The following RORC variants were observed in gnomAD, a reference collection of about 807,000 sequenced individuals.
RORC encodes the protein RAR related orphan receptor C.
In RORC, 13 loss-of-function variants were observed where a neutral mutation model predicts 64.5. The observed-to-expected ratio is 0.20, with a 90% CI of 0.13 to 0.32. The LOEUF (loss-of-function observed/expected upper bound fraction) is 0.32. Ranked by LOEUF, RORC falls within the 10% of genes least tolerant of loss-of-function variation. The probability of loss-of-function intolerance (pLI) is 1.00; values close to 1 mark genes in which losing one functional copy is unlikely to be tolerated. For synonymous variants in RORC, 277 were observed against 259.3 expected, an observed-to-expected ratio of 1.07 and a Z score of -0.65; for missense variants, 468 against 669.5, an observed-to-expected ratio of 0.70 and a Z score of 3.32.
At chr1:151,829,562 A>G in intron 1 of RORC, 104 bp from the exon 2 acceptor site, 1 of 1,129,840 alleles carries the variant, frequency 8.9e-7, no homozygotes, top group Non-Finnish European at 1.2e-6. Flanking sequence ...CTTCCCTCAG[A>G]GCCTGGCGTC....
chr1:151,816,683 C>G lies in RORC; in HGVS notation c.279G>C (p.Ala93=). 6.2e-7 allele frequency: 1 copy of G among 1,605,698 alleles called. No homozygotes were observed. ...CCTCACCATCTCGGGACATGCCCAGCGCCAGGCATTTCTGCAGGCGGCAGT... is the reference window on the plus strand; with the variant it reads ...CCTCACCATCTCGGGACATGCCCAGGGCCAGGCATTTCTGCAGGCGGCAGT... The part of the protein sequence containing the change: ...CQHCRLQKCL[A]LGMSRDAVKF... Residue 93 remains alanine (A), a synonymous_variant, in exon 4 of 11, where the codon GCG becomes GCC. Coordinates refer to ENST00000318247, the MANE Select transcript of RORC (RefSeq NM_005060.4).
intron 1 of RORC, 91 bp downstream of exon 1, chr1:151,831,634 C>A: frequency 6.2e-7 from 1 of 1,605,528 alleles, no homozygotes; most frequent in Non-Finnish European, 8.5e-7. Context: ...CCCTCCCCTC[C>A]TCACTTCTTG....
intron 2 of RORC, among the ~76,000 whole-genome samples, chr1:151,820,825 T>G (rs1164741859): frequency 6.6e-6 from 1 of 152,212 alleles, no homozygotes; most frequent in African/African-American, 2.4e-5. Context: ...CTAAGCTTAC[T>G]GGTCTTCAGC....
chr1:151,808,466 C>T (rs1170944685), intron 10 of RORC, among the ~76,000 whole-genome samples: 2 of 152,184 alleles, frequency 1.3e-5, no homozygotes, highest in African/African-American at 2.4e-5. Flanking sequence ...CCATTGCCTC[C>T]CTCCCCCAGC....
At chr1:151,822,676 T>C (rs1049256647) in intron 2 of RORC, among the ~76,000 whole-genome samples, 5 of 152,212 alleles carry the variant, frequency 3.3e-5, no homozygotes, top group Non-Finnish European at 5.9e-5. Context: ...CAGGGCCATC[T>C]GTCCCTCATC....
intron 2 of RORC, among the ~76,000 whole-genome samples, chr1:151,825,433 T>G (rs963108265): frequency 3.3e-5 from 5 of 152,124 alleles, no homozygotes; most frequent in African/African-American, 1.2e-4. Flanking sequence ...CCTGCCAACC[T>G]CAGTTGACTC....
chr1:151,813,113 GAC>G, intron 8 of RORC, 56 bp from the exon 9 acceptor site: 1 of 1,480,986 alleles, frequency 6.8e-7, no homozygotes, highest in Non-Finnish European at 9.4e-7. Context: ...GGTGCCCGAG[GAC>G]ACCGCCCTTA....
Position 151,816,651 on chromosome 1 carries a change from G to T in RORC, c.298+13C>A. 1 of 1,598,460 alleles carries T rather than the reference G, an allele frequency of 6.3e-7. No individual in the cohort carries two copies. ...ACCAGGAAAACCCCAGGGGGCTGTC[G>T]ACTTGGCCTCACCATCTCGGGACAT... On this transcript the variant is annotated intron_variant, in intron 4 of 10. Transcript: ENST00000318247.
Position 151,807,552 on chromosome 1 carries a change from C to T in RORC, c.1477G>A (p.Val493Met), listed in dbSNP as rs138308209. 92 of 1,613,924 alleles carry T rather than the reference C, an allele frequency of 5.7e-5. No individual in the cohort carries two copies. The highest frequency in any genetic ancestry group is 5.5e-4 in the Admixed American group (33 of 59,998). The change falls in exon 11 of 11, where the codon GTG becomes ATG. Residue 493 changes from valine to methionine, a missense_variant. Around this residue, in one of 5 missense-constraint regions of RORC, gnomAD observed 93 missense variants for 116.6 expected, o/e 0.80. Transcript: ENST00000318247. This position sits in a 1 kb window ranked among gnomAD's most constrained non-coding sequence, Gnocchi z 5.0. ...LQIFQHLHPI[V>M]VQAAFPPLYK... ...AGTGGAGGGAAAGCGGCTTGGACCACGATGGGGTGGAGGTGCTGGAAGATC... is the reference window on the plus strand; with the variant it reads ...AGTGGAGGGAAAGCGGCTTGGACCATGATGGGGTGGAGGTGCTGGAAGATC...
rs375293231 is a variant in RORC, at chr1:151,815,126, A to C, written c.598T>G (p.Cys200Gly). 6.2e-7 allele frequency: 1 copy of C among 1,614,142 alleles called. No individual in the cohort carries two copies. The highest frequency in any genetic ancestry group is 1.7e-5 in the Admixed American group (1 of 60,020). ...LAKAGLNGAS[C>G]HLEYSPERGK... The stretch of plus-strand genomic sequence containing the variant: ...CGCTCAGGGCTGTATTCAAGGTGGC[A>C]TGAGGCCCCATTGAGCCCTGCCTTG... Residue 200 changes from cysteine (C) to glycine (G), a missense_variant, in exon 5 of 11, where the codon TGC (cysteine) becomes GGC (glycine). Physicochemically the swap from Cys to Gly is radical, Grantham distance 159. Around this residue, in one of 5 missense-constraint regions of RORC, gnomAD observed 241 missense variants for 295.5 expected, o/e 0.82. Coordinates refer to ENST00000318247, the MANE Select transcript of RORC (RefSeq NM_005060.4).
At chr1:151,825,296 A>T (rs1652148748) in intron 2 of RORC, among the ~76,000 whole-genome samples, 1 of 151,958 alleles carries the variant, frequency 6.6e-6, no homozygotes, top group Non-Finnish European at 1.5e-5. Context: ...ACACACACAC[A>T]TGCACACACA....
At chr1:151,822,627 T>C (rs1652035679) in intron 2 of RORC, among the ~76,000 whole-genome samples, 1 of 151,860 alleles carries the variant, frequency 6.6e-6, no homozygotes, top group Non-Finnish European at 1.5e-5. Context: ...CTCTGGCGAG[T>C]GGGAGCCCAG....
chr1:151,821,742 A>G (rs1218848751), intron 2 of RORC, among the ~76,000 whole-genome samples: 1 of 152,188 alleles, frequency 6.6e-6, no homozygotes, highest in Non-Finnish European at 1.5e-5. Flanking sequence ...TGCACACCGG[A>G]GACCTGGGTA....
Position 151,830,960 on chromosome 1 carries a change from C to T in RORC, c.40+765G>A, listed in dbSNP as rs1156744109. Reference sequence around the variant, plus strand: ...GCCAGTTCTTCCTCCACCAGGTGGCCCTGGAGCTTGGTGGCTCTGGCCCTC... The same window carrying T: ...GCCAGTTCTTCCTCCACCAGGTGGCTCTGGAGCTTGGTGGCTCTGGCCCTC... On this transcript the variant is annotated intron_variant, in intron 1 of 10. Coordinates refer to ENST00000318247, the MANE Select transcript of RORC (RefSeq NM_005060.4). This position sits in a 1 kb window ranked among gnomAD's most constrained non-coding sequence, Gnocchi z 4.0. 1.3e-5 allele frequency: 17 copies of T among 1,289,156 alleles called. No homozygotes were observed. The highest frequency in any genetic ancestry group is 1.5e-5 in the Non-Finnish European group (15 of 988,798). The allele number at this position is 1,289,156 out of a possible 1,614,324, so 79.9% of individuals were successfully genotyped here. A position where few individuals can be genotyped will look rare whatever the true frequency, so the allele number is the denominator to read the frequency against.
chr1:151,815,138 T>G lies in RORC; in HGVS notation c.586A>C (p.Asn196His), dbSNP rs1465721781. Residue 196 changes from asparagine (N) to histidine (H), a missense_variant, in exon 5 of 11, where the codon AAT becomes CAT. This residue lies in a region of RORC where 241 missense variants were observed against 295.5 expected (regional missense o/e 0.82). Coordinates refer to ENST00000318247, the MANE Select transcript of RORC (RefSeq NM_005060.4). ...TATTCAAGGTGGCATGAGGCCCCAT[T>G]GAGCCCTGCCTTGGCCAAGTTGTTG... ...YSNNLAKAGL[N>H]GASCHLEYSP... 6.2e-7 allele frequency: 1 copy of G among 1,614,106 alleles called. No individual in the cohort carries two copies. Among genetic ancestry groups the G allele is most frequent in the Admixed American group, 1.7e-5 (1 of 60,008 alleles).
In RORC at chr1:151,829,471, G is replaced by A; in HGVS notation, c.41-13C>T. 2.0e-6 allele frequency: 3 copies of A among 1,525,102 alleles called. No individual in the cohort carries two copies. The highest frequency in any genetic ancestry group is 1.3e-5 in the South Asian group (1 of 77,050). 94.5% of individuals were successfully genotyped at this position (1,525,102 alleles called of 1,614,324 possible). ...GCAGCCAGCAGCTCTGTAAAGACAA[G>A]AGAGGGGGTTGACGTCAAAGGTTGA... On this transcript the variant is annotated splice_polypyrimidine_tract_variant and intron_variant, in intron 1 of 10. Coordinates refer to ENST00000318247, the MANE Select transcript of RORC (RefSeq NM_005060.4).
At chr1:151,811,460 GAGA>G in intron 9 of RORC, 26 bp from the exon 10 acceptor site, 3 of 1,451,452 alleles carry the variant, frequency 2.1e-6, no homozygotes, top group Non-Finnish European at 2.9e-6. Context: ...GGACCGTAAT[GAGA>G]ACAAGAAAGA....
chr1:151,828,722 T>C (rs1057119676), intron 2 of RORC, among the ~76,000 whole-genome samples: 4 of 152,086 alleles, frequency 2.6e-5, no homozygotes, highest in Non-Finnish European at 5.9e-5. Context: ...GGCCCATGCC[T>C]GTAATCTCAG....
At chr1:151,820,132 C>T (rs912304953) in intron 2 of RORC, among the ~76,000 whole-genome samples, 6 of 152,066 alleles carry the variant, frequency 3.9e-5, no homozygotes. Flanking sequence ...TAGTCCTGCT[C>T]CCCCCTCCTT....
Sources: allele counts gnomAD v4.1 joint callset (sites outside exome capture counted in the v4.1 genomes callset), GRCh38; gene constraint gnomAD v4.1.1; regional missense constraint gnomAD v4.1.1; non-coding constraint Gnocchi (gnomAD v3.1); transcripts MANE v1.5; gene names NCBI Gene and HGNC (gene_info 2026-07-23, HGNC 2026-07-21).